SGIP1: variants seen among roughly 807,000 people sequenced by gnomAD.
SGIP1 encodes the protein SH3-containing GRB2-like protein 3-interacting protein 1.
Under a neutral mutation model 107.5 loss-of-function variants are expected in SGIP1, and 38 were observed. That is an observed-to-expected ratio of 0.35 (90% CI 0.27 to 0.46). The LOEUF is 0.46. Among genes scored for constraint, SGIP1 ranks in the 20% least tolerant of loss-of-function variants. SGIP1 has a pLI of 1.00. For synonymous variants in SGIP1, 365 were observed against 366.1 expected (o/e 1.00, Z 0.03); for missense variants, 929 against 1,019.5 (o/e 0.91, Z 1.21).
intron 5 of SGIP1, among the ~76,000 whole-genome samples, chr1:66,641,044 A>G (rs1007793647): frequency 1.3e-5 from 2 of 152,184 alleles, no homozygotes; most frequent in South Asian, 2.1e-4. Context: ...AAAAAGAAAA[A>G]GAAGTCAAAT....
At chr1:66,728,048 A>T (rs536904099) in intron 19 of SGIP1, among the ~76,000 whole-genome samples, 92 of 151,356 alleles carry the variant, frequency 6.1e-4, no homozygotes, top group South Asian at 1.0e-3. Context: ...AGCCTTTTTT[A>T]AAAAAAAAGA....
intron 24 of SGIP1, among the ~76,000 whole-genome samples, chr1:66,742,187 CTCAAAGA>C (rs1207180230): frequency 6.6e-6 from 1 of 152,122 alleles, no homozygotes; most frequent in African/African-American, 2.4e-5. Context: ...TAATAACAAA[CTCAAAGA>C]ATCTAGGCCA....
At chr1:66,571,643 ACT>A (rs2060398881) in intron 1 of SGIP1, among the ~76,000 whole-genome samples, 1 of 151,984 alleles carries the variant, frequency 6.6e-6, no homozygotes, top group Non-Finnish European at 1.5e-5. Context: ...CAGTCATGTA[ACT>A]CTTAAAAATA....
At chr1:66,692,160 C>A (rs75022510) in intron 17 of SGIP1, among the ~76,000 whole-genome samples, 78 of 136,330 alleles carry the variant, frequency 5.7e-4, no homozygotes, top group East Asian at 1.1e-3. Context: ...GACTCCATCT[C>A]AAAAAAAAAA....
intron 1 of SGIP1, among the ~76,000 whole-genome samples, chr1:66,560,031 G>A (rs1388150160): frequency 6.6e-6 from 1 of 151,956 alleles, no homozygotes; most frequent in African/African-American, 2.4e-5. Flanking sequence ...TAGTGTATGT[G>A]TCTACTCACA....
At chr1:66,615,365 T>C (rs569957151) in intron 1 of SGIP1, among the ~76,000 whole-genome samples, 3 of 152,248 alleles carry the variant, frequency 2.0e-5, no homozygotes, top group South Asian at 2.1e-4. Context: ...ACTCCTGACC[T>C]CAGGTGACCC....
At chr1:66,544,808 A>G (rs981372299) in intron 1 of SGIP1, among the ~76,000 whole-genome samples, 1 of 152,218 alleles carries the variant, frequency 6.6e-6, no homozygotes, top group Non-Finnish European at 1.5e-5. Flanking sequence ...TCACAGCAGC[A>G]GTTCTGGTAA....
chr1:66,724,091 G>A (rs562033101), intron 19 of SGIP1, among the ~76,000 whole-genome samples: 1 of 152,294 alleles, frequency 6.6e-6, no homozygotes, highest in Non-Finnish European at 1.5e-5. Context: ...AGACCTAGGG[G>A]TTTTGTTAGC....
intron 7 of SGIP1, among the ~76,000 whole-genome samples, chr1:66,654,043 C>T (rs1279358019): frequency 6.6e-6 from 1 of 151,890 alleles, no homozygotes; most frequent in Non-Finnish European, 1.5e-5. Flanking sequence ...TCTCTAGGGC[C>T]CACAGCAGTG....
intron 10 of SGIP1, among the ~76,000 whole-genome samples, chr1:66,671,601 T>C (rs886110036): frequency 2.0e-5 from 3 of 152,196 alleles, no homozygotes; most frequent in African/African-American, 7.2e-5. Context: ...TGGCCTGGCT[T>C]AGTATTCTCT....
At chr1:66,707,546 A>G (rs1306673246) in intron 18 of SGIP1, among the ~76,000 whole-genome samples, 1 of 152,214 alleles carries the variant, frequency 6.6e-6, no homozygotes, top group African/African-American at 2.4e-5. Context: ...CTTGAAAGTC[A>G]ACAAGAAATT....
At chr1:66,551,632 A>T (rs563391967) in intron 1 of SGIP1, among the ~76,000 whole-genome samples, 127 of 152,242 alleles carry the variant, frequency 8.3e-4, no homozygotes, top group African/African-American at 3.0e-3. Flanking sequence ...AAACATGCCA[A>T]TCCTCTCCAA....
At chr1:66,621,077 T>A (rs1441905554) in intron 1 of SGIP1, among the ~76,000 whole-genome samples, 1 of 152,190 alleles carries the variant, frequency 6.6e-6, no homozygotes, top group East Asian at 1.9e-4. Flanking sequence ...ATTGTGATTT[T>A]AGGAGAACAG....
chr1:66,575,018 T>C (rs2060876324), intron 1 of SGIP1, among the ~76,000 whole-genome samples: 1 of 152,160 alleles, frequency 6.6e-6, no homozygotes, highest in Non-Finnish European at 1.5e-5. Flanking sequence ...TGGGCAAGCA[T>C]ATGACTTGAG....
intron 1 of SGIP1, among the ~76,000 whole-genome samples, chr1:66,547,325 G>C (rs1055566761): frequency 2.6e-5 from 4 of 151,976 alleles, no homozygotes; most frequent in African/African-American, 9.7e-5. Context: ...TAAAAATATT[G>C]TTAGCAACAA....
intron 7 of SGIP1, among the ~76,000 whole-genome samples, chr1:66,650,273 T>C (rs72669465): frequency 1.3e-5 from 2 of 152,042 alleles, no homozygotes; most frequent in Admixed American, 6.6e-5. Context: ...TGAATACATA[T>C]GGTACTTCTT....
chr1:66,625,841 C>T lies in SGIP1; in HGVS notation c.11-6C>T. 1 of 1,610,796 alleles carries T rather than the reference C, an allele frequency of 6.2e-7. No homozygotes were observed. Among genetic ancestry groups the T allele is most frequent in the Non-Finnish European group, 8.5e-7 (1 of 1,178,090 alleles). Reference sequence around the variant, plus strand: ...GAGTTTTTGACCCTTTGCTGTTTTCCCACAGGATTGAAAAAACGTACAAGG... The same window carrying T: ...GAGTTTTTGACCCTTTGCTGTTTTCTCACAGGATTGAAAAAACGTACAAGG... On this transcript the variant is annotated splice_region_variant and splice_polypyrimidine_tract_variant and intron_variant, in intron 1 of 24. Coordinates refer to ENST00000371037, the MANE Select transcript of SGIP1 (RefSeq NM_032291.4).
intron 18 of SGIP1, among the ~76,000 whole-genome samples, chr1:66,706,103 C>T (rs1258890974): frequency 1.3e-5 from 2 of 151,430 alleles, no homozygotes; most frequent in Non-Finnish European, 2.9e-5. Flanking sequence ...AAAAACAAAA[C>T]AAAACAAAAA....
chr1:66,643,770 A>T, intron 7 of SGIP1, 51 bp downstream of exon 7: 1 of 1,513,634 alleles, frequency 6.6e-7, no homozygotes, highest in Non-Finnish European at 8.8e-7. Context: ...GAACAGGGCT[A>T]TGTTCTGCCT....
Sources: gnomAD v4.1 joint callset for allele counts (sites outside exome capture counted in the v4.1 genomes callset) on GRCh38, gnomAD v4.1.1 for gene constraint, MANE v1.5 for transcripts, NCBI Gene and HGNC (gene_info 2026-07-23, HGNC 2026-07-21) for gene names.